Variants in SGCD observed in about 807,000 individuals in gnomAD.
The protein encoded by SGCD is delta-sarcoglycan.
A neutral mutation model predicts 36.6 loss-of-function variants in SGCD; 18 were observed. The observed-to-expected ratio is 0.49, with a 90% confidence interval of 0.34 to 0.73. The LOEUF is 0.73. SGCD is among the 30% of genes least tolerant of loss of function. SGCD has a pLI of 0.01. For synonymous variants in SGCD, 133 were observed against 130.6 expected, an observed-to-expected ratio of 1.02 and a Z score of -0.12; for missense variants, 387 against 346.7, an observed-to-expected ratio of 1.12 and a Z score of -0.92.
intron 3 of SGCD, among the ~76,000 whole-genome samples, chr5:156,284,946 C>G (rs550826393): frequency 6.6e-6 from 1 of 152,192 alleles, no homozygotes; most frequent in Non-Finnish European, 1.5e-5. Context: ...CCCAAAATCT[C>G]TTTAAGCTGA....
intron 6 of SGCD, among the ~76,000 whole-genome samples, chr5:156,607,363 T>C (rs113476122): frequency 2.0e-5 from 3 of 152,376 alleles, no homozygotes; most frequent in African/African-American, 7.2e-5. Flanking sequence ...GGTTTGTGTA[T>C]GTTGAACCAG....
At chr5:156,021,478 G>A (rs1028379350) in intron 1 of SGCD, among the ~76,000 whole-genome samples, 11 of 152,256 alleles carry the variant, frequency 7.2e-5, no homozygotes, top group African/African-American at 2.4e-4. Context: ...TGTGATCACA[G>A]CACTGCAGTT....
At chr5:155,972,211 C>G (rs1297609467) in intron 1 of SGCD, among the ~76,000 whole-genome samples, 1 of 152,138 alleles carries the variant, frequency 6.6e-6, no homozygotes, top group East Asian at 1.9e-4. Context: ...AAAAGTCAAA[C>G]AGTACAGAGA....
At chr5:155,953,306 C>T (rs1757579587) in intron 1 of SGCD, among the ~76,000 whole-genome samples, 1 of 152,114 alleles carries the variant, frequency 6.6e-6, no homozygotes, top group Non-Finnish European at 1.5e-5. Flanking sequence ...TTGAGCTCTC[C>T]AATATCAAGA....
At chr5:155,920,861 G>C (rs888687395) in intron 1 of SGCD, among the ~76,000 whole-genome samples, 2 of 152,132 alleles carry the variant, frequency 1.3e-5, no homozygotes, top group African/African-American at 4.8e-5. Flanking sequence ...CTCAAATAAG[G>C]AATCTGTGTG....
At chr5:155,943,506 C>T (rs76445388) in intron 1 of SGCD, among the ~76,000 whole-genome samples, 631 of 152,172 alleles carry the variant, frequency 4.1e-3, no homozygotes, top group African/African-American at 0.014. Context: ...ATATATAAGA[C>T]ATGATGGTTG....
rs145714936 is a variant in SGCD at position 156,165,099 on chromosome 5, T to C, written c.-44+41080T>C. ...TAATTCAAGAGACCTCACCAGGGAATATCTGCTTAAGGGTCCAATTGTAAT... is the reference window on the plus strand; with the variant it reads ...TAATTCAAGAGACCTCACCAGGGAACATCTGCTTAAGGGTCCAATTGTAAT... On this transcript the variant is annotated intron_variant, in intron 3 of 9. Coordinates refer to the SGCD transcript ENST00000517913. Among the ~76,000 whole-genome samples the C allele has an allele frequency of 2.4e-3, 369 of 152,324 alleles. 4 individuals are homozygous for C. Among genetic ancestry groups the C allele is most frequent in the African/African-American group, 8.6e-3 (359 of 41,572 alleles).
intron 3 of SGCD, among the ~76,000 whole-genome samples, chr5:156,457,959 G>C (rs1037044487): frequency 1.3e-5 from 2 of 152,150 alleles, no homozygotes; most frequent in Admixed American, 1.3e-4. Context: ...GCTATGCTAT[G>C]TCTTCCAGAG....
At position 156,012,887 on chromosome 5, in the gene SGCD, T is replaced by A. The variant is rs1052988252; in HGVS notation, c.-281-104991T>A. Reference sequence around the variant, plus strand: ...TCGAAAAGTGCTGGGATTACAGGCGTGAGCCACCGCGCCCAGCCCACGAAA... The same window carrying A: ...TCGAAAAGTGCTGGGATTACAGGCGAGAGCCACCGCGCCCAGCCCACGAAA... On this transcript the variant is annotated intron_variant, in intron 1 of 9. Coordinates refer to the SGCD transcript ENST00000517913. Among the ~76,000 whole-genome samples, 20 of 151,660 alleles carry A rather than the reference T, an allele frequency of 1.3e-4. 1 individual carries two copies. The highest frequency in any genetic ancestry group is 1.2e-3 in the Admixed American group (18 of 15,216).
intron 7 of SGCD, among the ~76,000 whole-genome samples, chr5:156,657,346 T>C (rs1431647690): frequency 6.6e-6 from 1 of 151,654 alleles, no homozygotes; most frequent in African/African-American, 2.4e-5. Context: ...GCTGCACCCA[T>C]TAACTGGTCA....
chr5:156,463,880 C>T (rs1754606162), intron 3 of SGCD, among the ~76,000 whole-genome samples: 1 of 151,964 alleles, frequency 6.6e-6, no homozygotes, highest in African/African-American at 2.4e-5. Context: ...TGCTTTAGCC[C>T]AGGAGGTTGA....
the SGCD span, among the ~76,000 whole-genome samples, chr5:155,805,970 C>A: frequency 6.6e-6 from 1 of 152,166 alleles, no homozygotes; most frequent in East Asian, 1.9e-4. Flanking sequence ...GGCTTAACCA[C>A]AGGCAGTAGC....
rs142429114 is a variant in SGCD, at chr5:156,648,443, G to A, written c.575+907G>A. ...GATCTATGCTTTGCTTAAAAAGCAAGAGCCATATTGGACCTAGTGTTTCTT... is the reference window on the plus strand; with the variant it reads ...GATCTATGCTTTGCTTAAAAAGCAAAAGCCATATTGGACCTAGTGTTTCTT... On this transcript the variant is annotated intron_variant, in intron 7 of 8. Transcript: ENST00000337851. Among the ~76,000 whole-genome samples the A allele has an allele frequency of 1.7e-3, 252 of 152,220 alleles. 1 individual carries two copies. Among genetic ancestry groups the A allele is most frequent in the Admixed American group, 3.7e-3 (57 of 15,272 alleles).
intron 6 of SGCD, among the ~76,000 whole-genome samples, chr5:156,601,293 A>G (rs566212694): frequency 8.1e-4 from 124 of 152,256 alleles, no homozygotes; most frequent in African/African-American, 2.8e-3. Flanking sequence ...CTTTAAATCC[A>G]TTTTGATGTG....
chr5:156,138,043 A>C (rs1159852664), intron 3 of SGCD, among the ~76,000 whole-genome samples: 1 of 152,128 alleles, frequency 6.6e-6, no homozygotes, highest in Non-Finnish European at 1.5e-5. Flanking sequence ...CTCACCATGA[A>C]GTTCATTCAG....
intron 6 of SGCD, among the ~76,000 whole-genome samples, chr5:156,601,133 A>C (rs1462594902): frequency 1.3e-5 from 2 of 152,052 alleles, no homozygotes; most frequent in Admixed American, 6.6e-5. Context: ...GCTGTGAAAA[A>C]GCTTTTTAGT....
At chr5:156,258,489 C>A (rs1403936040) in intron 3 of SGCD, among the ~76,000 whole-genome samples, 1 of 152,118 alleles carries the variant, frequency 6.6e-6, no homozygotes, top group Non-Finnish European at 1.5e-5. Context: ...TTTTAAGAAT[C>A]TACTGCTAAT....
rs963426 is a variant in SGCD at position 156,005,917 on chromosome 5, T to C, written c.-281-111961T>C. On this transcript the variant is annotated intron_variant, in intron 1 of 9. Transcript: ENST00000517913. The stretch of plus-strand genomic sequence containing the variant: ...TGGCACAAGCAGTGTTTTAAGGGCA[T>C]AGACTTTAGTGCCAGATGGGTGGCC... Among the ~76,000 whole-genome samples, 377 of 152,316 alleles carry C rather than the reference T, an allele frequency of 2.5e-3. 2 individuals are homozygous for C. The highest frequency in any genetic ancestry group is 0.024 in the East Asian group (124 of 5,182).
At chr5:156,132,842 T>A (rs560970074) in intron 3 of SGCD, among the ~76,000 whole-genome samples, 2 of 152,324 alleles carry the variant, frequency 1.3e-5, no homozygotes, top group East Asian at 3.9e-4. Flanking sequence ...AAATTCATCA[T>A]GCATTGAAAT....
Sources: gnomAD v4.1 joint callset for allele counts (sites outside exome capture counted in the v4.1 genomes callset) on GRCh38, gnomAD v4.1.1 for gene constraint, MANE v1.5 for transcripts, NCBI Gene and HGNC (gene_info 2026-07-23, HGNC 2026-07-21) for gene names.